SNTG1: variants seen among roughly 807,000 people sequenced by gnomAD.
SNTG1 encodes the protein gamma-1-syntrophin.
Under a neutral mutation model 74.7 loss-of-function variants are expected in SNTG1, and 39 were observed. The observed-to-expected ratio is 0.52, with a 90% CI of 0.40 to 0.68. The LOEUF is 0.68. Among genes scored for constraint, SNTG1 ranks in the 30% least tolerant of loss-of-function variants. SNTG1 has a pLI of 0.00. For missense variants in SNTG1, 685 were observed against 609.5 expected, an observed-to-expected ratio of 1.12 and a Z score of -1.30; for synonymous variants, 254 against 217.1, an observed-to-expected ratio of 1.17 and a Z score of -1.49.
chr8:50,227,273 A>T (rs894125506), intron 2 of SNTG1, among the ~76,000 whole-genome samples: 1 of 152,114 alleles, frequency 6.6e-6, no homozygotes, highest in African/African-American at 2.4e-5. Context: ...ATAGCATAAG[A>T]ATGAGAAACT....
At chr8:49,995,511 A>G (rs375974097) in intron 1 of SNTG1, among the ~76,000 whole-genome samples, 81 of 152,296 alleles carry the variant, frequency 5.3e-4, no homozygotes, top group South Asian at 1.2e-3. Flanking sequence ...GGTAGCACTG[A>G]TGTGTGCATT....
chr8:50,228,412 A>G (rs2085451337), intron 2 of SNTG1, among the ~76,000 whole-genome samples: 1 of 151,928 alleles, frequency 6.6e-6, no homozygotes, highest in African/African-American at 2.4e-5. Flanking sequence ...ACAGATACCA[A>G]ACCACAGATC....
intron 17 of SNTG1, among the ~76,000 whole-genome samples, chr8:50,719,857 G>A (rs2095483530): frequency 6.6e-6 from 1 of 152,068 alleles, no homozygotes; most frequent in Non-Finnish European, 1.5e-5. Context: ...AATAGAAAAA[G>A]ATTAACTTTT....
chr8:50,089,323 T>C (rs2079622625), intron 1 of SNTG1, among the ~76,000 whole-genome samples: 1 of 150,880 alleles, frequency 6.6e-6, no homozygotes, highest in African/African-American at 2.4e-5. Flanking sequence ...ACCTAGGCAT[T>C]ACCATTCAGG....
intron 4 of SNTG1, among the ~76,000 whole-genome samples, chr8:50,428,815 A>G (rs1393890862): frequency 1.3e-5 from 2 of 152,172 alleles, no homozygotes; most frequent in African/African-American, 4.8e-5. Flanking sequence ...TTGTAAAATT[A>G]TCTAGGGAGG....
chr8:49,991,723 T>TG (rs1813709382), intron 1 of SNTG1, among the ~76,000 whole-genome samples: 1 of 152,190 alleles, frequency 6.6e-6, no homozygotes, highest in Non-Finnish European at 1.5e-5. Context: ...ACATATGTTG[T>TG]GATTCCATTT....
intron 12 of SNTG1, among the ~76,000 whole-genome samples, chr8:50,580,278 G>A (rs1013675902): frequency 3.3e-5 from 5 of 152,178 alleles, no homozygotes; most frequent in African/African-American, 4.8e-5. Flanking sequence ...ATTGTATCTA[G>A]GAAGTAACTG....
At chr8:50,354,819 G>C (rs966537749) in intron 2 of SNTG1, among the ~76,000 whole-genome samples, 1 of 152,116 alleles carries the variant, frequency 6.6e-6, no homozygotes, top group African/African-American at 2.4e-5. Context: ...TCAGCTGCTT[G>C]CAGTGGCTGG....
At chr8:50,461,190 TGTG>T (rs1460597691) in intron 8 of SNTG1, among the ~76,000 whole-genome samples, 1 of 151,350 alleles carries the variant, frequency 6.6e-6, no homozygotes, top group East Asian at 1.9e-4. Context: ...TGTGTGTGTG[TGTG>T]TGTGTGTGTG....
chr8:50,619,730 CGAA>C (rs142157494), intron 13 of SNTG1, among the ~76,000 whole-genome samples: 5,581 of 114,596 alleles, frequency 0.049, 184 homozygotes, highest in African/African-American at 0.12. Context: ...GACTCCGTCT[CGAA>C]AAAAAAAAAA....
chr8:50,287,301 G>A lies in SNTG1; in HGVS notation c.-27-106911G>A, dbSNP rs543218328. Among the ~76,000 whole-genome samples the A allele has an allele frequency of 3.8e-3, 573 of 152,260 alleles. 2 individuals carry two copies. Among genetic ancestry groups the A allele is most frequent in the Non-Finnish European group, 6.3e-3 (430 of 68,014 alleles). On this transcript the variant is annotated intron_variant, in intron 2 of 18. Transcript: ENST00000642720. ...GTGAAACTTACCAAAAGCTGTAGTT[G>A]TCATATTTTTCTTCCAATGTTGTTC...
chr8:50,566,931 T>C, intron 12 of SNTG1, among the ~76,000 whole-genome samples: 1 of 152,176 alleles, frequency 6.6e-6, no homozygotes, highest in East Asian at 1.9e-4. Flanking sequence ...GTCCCTTATA[T>C]GATGCTGAAA....
At chr8:50,630,727 T>A (rs1024211260) in intron 13 of SNTG1, among the ~76,000 whole-genome samples, 68 of 152,316 alleles carry the variant, frequency 4.5e-4, no homozygotes, top group African/African-American at 1.6e-3. Context: ...ACTTGAGAGT[T>A]ATACCCCAAG....
chr8:50,456,014 A>G (rs2093501819), intron 8 of SNTG1, among the ~76,000 whole-genome samples: 1 of 152,226 alleles, frequency 6.6e-6, no homozygotes, highest in Non-Finnish European at 1.5e-5. Flanking sequence ...GCTCTGGGAA[A>G]TGTTTAGCGC....
At chr8:50,587,919 G>A (rs1305361493) in intron 12 of SNTG1, among the ~76,000 whole-genome samples, 2 of 151,836 alleles carry the variant, frequency 1.3e-5, no homozygotes, top group East Asian at 3.9e-4. Flanking sequence ...AGACCATTCT[G>A]GCCAACATGG....
At chr8:49,935,202 AGTGTGTGTGTGTGT>A (rs140067006) in intron 1 of SNTG1, among the ~76,000 whole-genome samples, 21 of 133,764 alleles carry the variant, frequency 1.6e-4, no homozygotes, top group African/African-American at 3.0e-4. Flanking sequence ...GCCAAGCAGA[AGTGTGTGTGTGTGT>A]GTGTGTGTGT....
At chr8:49,970,951 C>A (rs1473929970) in intron 1 of SNTG1, among the ~76,000 whole-genome samples, 1 of 152,146 alleles carries the variant, frequency 6.6e-6, no homozygotes, top group African/African-American at 2.4e-5. Context: ...CAAGGAGGAG[C>A]TGGTACCATT....
chr8:50,291,708 G>A (rs905076239), intron 2 of SNTG1, among the ~76,000 whole-genome samples: 1 of 152,148 alleles, frequency 6.6e-6, no homozygotes, highest in Non-Finnish European at 1.5e-5. Flanking sequence ...GTGAAGAATA[G>A]GCTACAAGAA....
intron 2 of SNTG1, among the ~76,000 whole-genome samples, chr8:50,175,011 C>T (rs549545415): frequency 0.028 from 4,227 of 151,978 alleles, 222 homozygotes; most frequent in African/African-American, 0.095. Flanking sequence ...TGGTTTCCAT[C>T]TTCATCCATG....
Sources: gnomAD v4.1 joint callset for allele counts (sites outside exome capture counted in the v4.1 genomes callset) on GRCh38, gnomAD v4.1.1 for gene constraint, MANE v1.5 for transcripts, NCBI Gene and HGNC (gene_info 2026-07-23, HGNC 2026-07-21) for gene names.